PCDH15: variants seen among roughly 807,000 people sequenced by gnomAD.
PCDH15 encodes the protein protocadherin related 15.
PCDH15 carries 129 observed loss-of-function variants against 178.5 expected under a neutral mutation model. The ratio of observed to expected loss-of-function variants is 0.72; its 90% confidence interval spans 0.63 to 0.84. PCDH15 has a LOEUF of 0.84. PCDH15 is among the 40% of genes least tolerant of loss of function. The pLI is 0.00. For synonymous variants in PCDH15, 800 were observed against 732.0 expected, an observed-to-expected ratio of 1.09 and a Z score of -1.50; for missense variants, 2,230 against 2,099.9, an observed-to-expected ratio of 1.06 and a Z score of -1.21.
At chr10:54,515,614 A>T (rs1565474264) in intron 3 of PCDH15, among the ~76,000 whole-genome samples, 2 of 152,208 alleles carry the variant, frequency 1.3e-5, no homozygotes, top group Non-Finnish European at 2.9e-5. Context: ...TCCTTGTCTG[A>T]CACCTTTGAA....
intron 17 of PCDH15, among the ~76,000 whole-genome samples, chr10:54,073,947 G>T (rs1216727537): frequency 6.6e-6 from 1 of 152,094 alleles, no homozygotes; most frequent in Non-Finnish European, 1.5e-5. Context: ...TATCTAAAAG[G>T]AAATCTGCTA....
At chr10:55,024,933 A>C (rs1840436965) in intron 2 of PCDH15, among the ~76,000 whole-genome samples, 1 of 151,942 alleles carries the variant, frequency 6.6e-6, no homozygotes, top group African/African-American at 2.4e-5. Flanking sequence ...TGGCAAAACC[A>C]TGGTTTTTTT....
chr10:53,962,136 G>A (rs2088412042), intron 21 of PCDH15, among the ~76,000 whole-genome samples: 1 of 152,132 alleles, frequency 6.6e-6, no homozygotes, highest in African/African-American at 2.4e-5. Flanking sequence ...AAAAATTAAT[G>A]GTTGCTTTGG....
At chr10:55,070,609 GA>G (rs551484729) in intron 2 of PCDH15, among the ~76,000 whole-genome samples, 12 of 152,226 alleles carry the variant, frequency 7.9e-5, no homozygotes, top group Admixed American at 2.6e-4. Context: ...CGTTATTTCT[GA>G]GGGCTCTGTT....
At chr10:55,435,181 T>A (rs1270453535) in intron 2 of PCDH15, among the ~76,000 whole-genome samples, 3 of 152,078 alleles carry the variant, frequency 2.0e-5, no homozygotes, top group African/African-American at 7.2e-5. Context: ...AAAAATAAGG[T>A]GCAAGGCTTT....
At chr10:54,234,227 C>T (rs1219907838) in intron 9 of PCDH15, among the ~76,000 whole-genome samples, 1 of 149,992 alleles carries the variant, frequency 6.7e-6, no homozygotes, top group Non-Finnish European at 1.5e-5. Flanking sequence ...ACTGATGTGA[C>T]TTAGGTAACA....
chr10:54,149,763 T>C (rs906306465), intron 14 of PCDH15, among the ~76,000 whole-genome samples: 7 of 152,120 alleles, frequency 4.6e-5, no homozygotes, highest in Admixed American at 2.6e-4. Flanking sequence ...TGAGAAGAGA[T>C]TGAAGAGAGC....
chr10:53,889,092 A>T (rs1177996084), intron 26 of PCDH15, among the ~76,000 whole-genome samples: 1 of 151,890 alleles, frequency 6.6e-6, no homozygotes, highest in African/African-American at 2.4e-5. Flanking sequence ...TATGGACTGT[A>T]AATCTAAACA....
intron 2 of PCDH15, among the ~76,000 whole-genome samples, chr10:55,383,485 C>A (rs912483087): frequency 2.0e-5 from 3 of 152,090 alleles, no homozygotes; most frequent in African/African-American, 7.2e-5. Flanking sequence ...CAGAATGGAA[C>A]CTTTGCTGGG....
chr10:53,918,931 G>A (rs2083766170), intron 25 of PCDH15, among the ~76,000 whole-genome samples: 1 of 152,168 alleles, frequency 6.6e-6, no homozygotes, highest in Non-Finnish European at 1.5e-5. Context: ...CTCTAGGGCT[G>A]TATCTGTTTC....
chr10:55,450,535 C>A (rs1565152311), intron 2 of PCDH15, among the ~76,000 whole-genome samples: 1 of 152,086 alleles, frequency 6.6e-6, no homozygotes, highest in East Asian at 1.9e-4. Flanking sequence ...GATCAGAACT[C>A]TTTTGGTACT....
chr10:55,014,814 T>A (rs1388730138), intron 2 of PCDH15, among the ~76,000 whole-genome samples: 1 of 152,180 alleles, frequency 6.6e-6, no homozygotes, highest in Admixed American at 6.6e-5. Flanking sequence ...TTGAAATTAG[T>A]CCTCCAAGCA....
intron 28 of PCDH15, among the ~76,000 whole-genome samples, chr10:53,843,287 TTTAA>T (rs1328025814): frequency 1.3e-5 from 2 of 152,132 alleles, no homozygotes; most frequent in African/African-American, 4.8e-5. Context: ...CTAAATACCT[TTTAA>T]TTGAGAACAC....
At chr10:53,920,405 A>C (rs2083900071) in intron 25 of PCDH15, among the ~76,000 whole-genome samples, 1 of 152,082 alleles carries the variant, frequency 6.6e-6, no homozygotes. Flanking sequence ...TATAGATACT[A>C]TATAAGTATA....
chr10:54,424,005 T>C (rs1355912242), intron 3 of PCDH15, among the ~76,000 whole-genome samples: 1 of 151,790 alleles, frequency 6.6e-6, no homozygotes, highest in Non-Finnish European at 1.5e-5. Context: ...AAAGCCAAAA[T>C]TGACAAATGG....
chr10:55,363,622 T>A (rs1383047798), intron 2 of PCDH15, among the ~76,000 whole-genome samples: 1 of 152,094 alleles, frequency 6.6e-6, no homozygotes, highest in East Asian at 1.9e-4. Context: ...GTTTCGGCTT[T>A]TCTTTTTTCT....
chr10:54,351,507 T>A (rs995487163), intron 5 of PCDH15, among the ~76,000 whole-genome samples: 1 of 152,144 alleles, frequency 6.6e-6, no homozygotes, highest in Non-Finnish European at 1.5e-5. Flanking sequence ...AATTAATTAT[T>A]CTTATTTATA....
intron 23 of PCDH15, among the ~76,000 whole-genome samples, chr10:53,957,255 G>A (rs527295885): frequency 2.0e-5 from 3 of 151,268 alleles, no homozygotes; most frequent in South Asian, 2.1e-4. Flanking sequence ...AACTGTGAGC[G>A]TTTTTTTGGA....
intron 13 of PCDH15, among the ~76,000 whole-genome samples, chr10:54,169,882 T>A (rs534371391): frequency 6.6e-6 from 1 of 151,656 alleles, no homozygotes; most frequent in Admixed American, 6.6e-5. Context: ...CCTTACAAGT[T>A]AGTTCAGAAT....
Sources: gnomAD v4.1 joint callset for allele counts (sites outside exome capture counted in the v4.1 genomes callset) on GRCh38, gnomAD v4.1.1 for gene constraint, MANE v1.5 for transcripts, NCBI Gene and HGNC (gene_info 2026-07-23, HGNC 2026-07-21) for gene names.